LHFPL6: variants seen among roughly 807,000 people sequenced by gnomAD.
LHFPL6 encodes the protein LHFPL tetraspan subfamily member 6 protein.
In LHFPL6, 9 loss-of-function variants were observed where a neutral mutation model predicts 20.6. The ratio of observed to expected loss-of-function variants is 0.44; its 90% CI spans 0.26 to 0.76. The LOEUF is 0.76. LHFPL6 is among the 30% of genes least tolerant of loss of function. The probability of loss-of-function intolerance (pLI) is 0.20; values close to 1 mark genes in which losing one functional copy is unlikely to be tolerated. For missense variants in LHFPL6, 218 were observed against 253.5 expected, an observed-to-expected ratio of 0.86 and a Z score of 0.95; for synonymous variants, 105 against 98.7, an observed-to-expected ratio of 1.06 and a Z score of -0.38.
intron 2 of LHFPL6, among the ~76,000 whole-genome samples, chr13:39,436,293 C>T (rs1029476462): frequency 1.3e-5 from 2 of 152,184 alleles, no homozygotes; most frequent in Admixed American, 1.3e-4. Flanking sequence ...ACTTCAATGT[C>T]AACTATATCA....
intron 2 of LHFPL6, among the ~76,000 whole-genome samples, chr13:39,546,045 A>C (rs1319554072): frequency 1.3e-5 from 2 of 152,164 alleles, no homozygotes; most frequent in Non-Finnish European, 2.9e-5. Flanking sequence ...ATGGATATGA[A>C]GGGGCAACTC....
intron 2 of LHFPL6, among the ~76,000 whole-genome samples, chr13:39,581,654 CT>C (rs764121450): frequency 7.3e-4 from 107 of 146,308 alleles, no homozygotes; most frequent in Non-Finnish European, 1.3e-3. Flanking sequence ...CCCAAGGTAT[CT>C]TTTGTTAATG....
intron 3 of LHFPL6, among the ~76,000 whole-genome samples, chr13:39,364,506 T>G (rs753998887): frequency 6.6e-6 from 1 of 152,212 alleles, no homozygotes; most frequent in East Asian, 1.9e-4. Context: ...TGCAGAGAAA[T>G]GGCAAAAGAA....
chr13:39,460,761 C>T (rs1350946278), intron 2 of LHFPL6, among the ~76,000 whole-genome samples: 2 of 152,206 alleles, frequency 1.3e-5, no homozygotes, highest in Non-Finnish European at 2.9e-5. Context: ...GGAGAAAAGA[C>T]TTGCTCTGTG....
intron 3 of LHFPL6, among the ~76,000 whole-genome samples, chr13:39,354,065 G>C (rs981081626): frequency 2.3e-4 from 35 of 152,220 alleles, no homozygotes; most frequent in Admixed American, 1.9e-3. Flanking sequence ...GGTGGGACCA[G>C]TATTTCCTCT....
intron 2 of LHFPL6, among the ~76,000 whole-genome samples, chr13:39,483,480 AC>A (rs1868607100): frequency 7.2e-6 from 1 of 138,204 alleles, no homozygotes; most frequent in Non-Finnish European, 1.5e-5. Context: ...CTTCCTCATT[AC>A]AATTTTTTTT....
chr13:39,566,569 G>A (rs1468514624), intron 2 of LHFPL6, among the ~76,000 whole-genome samples: 3 of 150,880 alleles, frequency 2.0e-5, no homozygotes, highest in Admixed American at 6.6e-5. Context: ...AGGGAGACGC[G>A]GTCTCTACAA....
intron 2 of LHFPL6, among the ~76,000 whole-genome samples, chr13:39,588,872 A>T (rs1872527515): frequency 6.6e-6 from 1 of 152,200 alleles, no homozygotes; most frequent in East Asian, 1.9e-4. Flanking sequence ...CATCGTTCCT[A>T]CCCTATTTGA....
chr13:39,526,859 T>C (rs1870306927), intron 2 of LHFPL6, among the ~76,000 whole-genome samples: 1 of 152,258 alleles, frequency 6.6e-6, no homozygotes, highest in South Asian at 2.1e-4. Flanking sequence ...GAAATGCACA[T>C]CAATCTTGAA....
At chr13:39,465,228 T>A (rs1305564729) in intron 2 of LHFPL6, among the ~76,000 whole-genome samples, 1 of 151,770 alleles carries the variant, frequency 6.6e-6, no homozygotes, top group Non-Finnish European at 1.5e-5. Flanking sequence ...AATAATATTC[T>A]GTAATAACTT....
chr13:39,418,162 C>A (rs1465937405), intron 2 of LHFPL6, among the ~76,000 whole-genome samples: 2 of 152,084 alleles, frequency 1.3e-5, no homozygotes, highest in African/African-American at 4.8e-5. Flanking sequence ...AAGTCCTGGT[C>A]AATCTTACTT....
chr13:39,347,131 T>C (rs1869427216), intron 3 of LHFPL6, among the ~76,000 whole-genome samples: 2 of 142,212 alleles, frequency 1.4e-5, no homozygotes, highest in Middle Eastern at 3.8e-3. Context: ...CAAAAATCAA[T>C]GTCCTTCCTA....
At chr13:39,468,418 T>C (rs1277367146) in intron 2 of LHFPL6, among the ~76,000 whole-genome samples, 1 of 152,166 alleles carries the variant, frequency 6.6e-6, no homozygotes, top group Non-Finnish European at 1.5e-5. Context: ...GCAGGAACTG[T>C]GTGCTTTGAT....
chr13:39,361,155 C>A (rs1459436094), intron 3 of LHFPL6, among the ~76,000 whole-genome samples: 1 of 96,702 alleles, frequency 1.0e-5, no homozygotes, highest in Non-Finnish European at 2.4e-5. Context: ...AATTATACAG[C>A]AGAGGATGGA....
intron 2 of LHFPL6, among the ~76,000 whole-genome samples, chr13:39,474,904 G>A (rs1873044207): frequency 6.6e-6 from 1 of 152,216 alleles, no homozygotes; most frequent in Non-Finnish European, 1.5e-5. Flanking sequence ...CTAGGTGGCA[G>A]TGGTGGAACT....
intron 2 of LHFPL6, among the ~76,000 whole-genome samples, chr13:39,559,900 CT>C: frequency 6.6e-6 from 1 of 152,268 alleles, no homozygotes; most frequent in East Asian, 1.9e-4. Context: ...ATTTATTTGT[CT>C]TTTTTTATTT....
At chr13:39,399,416 T>G (rs1272554276) in intron 2 of LHFPL6, among the ~76,000 whole-genome samples, 1 of 152,218 alleles carries the variant, frequency 6.6e-6, no homozygotes, top group African/African-American at 2.4e-5. Flanking sequence ...GTATTTTAAT[T>G]AGCATTTATT....
chr13:39,589,791 T>C (rs1381516855), intron 2 of LHFPL6, among the ~76,000 whole-genome samples: 1 of 152,218 alleles, frequency 6.6e-6, no homozygotes, highest in Non-Finnish European at 1.5e-5. Context: ...GTCTGTTAAA[T>C]AATTTTTAAA....
intron 2 of LHFPL6, among the ~76,000 whole-genome samples, chr13:39,506,125 G>C (rs1003013488): frequency 6.6e-6 from 1 of 152,148 alleles, no homozygotes; most frequent in Non-Finnish European, 1.5e-5. Flanking sequence ...ACTACACTAT[G>C]ATCTTTTACA....
Sources: gnomAD v4.1 joint callset for allele counts (sites outside exome capture counted in the v4.1 genomes callset) on GRCh38, gnomAD v4.1.1 for gene constraint, MANE v1.5 for transcripts, NCBI Gene and HGNC (gene_info 2026-07-23, HGNC 2026-07-21) for gene names.